The following LEF1 variants were observed in gnomAD, a reference collection of about 807,000 sequenced individuals.
LEF1 encodes the protein lymphoid enhancer-binding factor 1.
LEF1 carries 14 observed loss-of-function variants against 51.2 expected under a neutral mutation model. That is an observed-to-expected ratio of 0.27 (90% confidence interval 0.18 to 0.43). The LOEUF is 0.43. LEF1 is among the 20% of genes least tolerant of loss of function. The pLI, the probability that LEF1 is intolerant of heterozygous loss-of-function variation, is 1.00. For synonymous variants in LEF1, 185 were observed against 183.2 expected, an observed-to-expected ratio of 1.01 and a Z score of -0.08; for missense variants, 386 against 512.0, an observed-to-expected ratio of 0.75 and a Z score of 2.37.
chr4:108,109,626 C>T (rs1741394751), intron 3 of LEF1, among the ~76,000 whole-genome samples: 1 of 152,170 alleles, frequency 6.6e-6, no homozygotes, highest in African/African-American at 2.4e-5. Flanking sequence ...TAAAACAAAA[C>T]ATGTGAAGTG....
At chr4:108,135,794 G>A (rs1024594051) in intron 3 of LEF1, among the ~76,000 whole-genome samples, 1 of 152,150 alleles carries the variant, frequency 6.6e-6, no homozygotes, top group African/African-American at 2.4e-5. Context: ...TATCCACTGT[G>A]AGTCCTTCAA....
intron 3 of LEF1, among the ~76,000 whole-genome samples, chr4:108,107,266 GTTT>G (rs77205957): frequency 7.1e-6 from 1 of 141,526 alleles, no homozygotes; most frequent in Admixed American, 7.2e-5. Flanking sequence ...AGAGAAAGGT[GTTT>G]TTTTTTTTTT....
At chr4:108,114,009 C>A (rs1373802524) in intron 3 of LEF1, among the ~76,000 whole-genome samples, 1 of 151,648 alleles carries the variant, frequency 6.6e-6, no homozygotes. Flanking sequence ...TTTTTTAAGG[C>A]AAGTATGTTA....
intron 3 of LEF1, among the ~76,000 whole-genome samples, chr4:108,143,642 G>A (rs1298458431): frequency 6.6e-6 from 1 of 152,036 alleles, no homozygotes; most frequent in Non-Finnish European, 1.5e-5. Flanking sequence ...GTCAATATAC[G>A]GCGCCCCCTC....
At chr4:108,093,617 T>A (rs1175440725) in intron 3 of LEF1, among the ~76,000 whole-genome samples, 1 of 151,984 alleles carries the variant, frequency 6.6e-6, no homozygotes, top group African/African-American at 2.4e-5. Flanking sequence ...TGGTCAGAGG[T>A]TCAGTGACTT....
At chr4:108,121,570 AC>A (rs1202128735) in intron 3 of LEF1, among the ~76,000 whole-genome samples, 1 of 152,196 alleles carries the variant, frequency 6.6e-6, no homozygotes, top group Non-Finnish European at 1.5e-5. Context: ...TCATGTTCTT[AC>A]TTGCTAGACC....
chr4:108,098,036 G>C (rs1173217379), intron 3 of LEF1, among the ~76,000 whole-genome samples: 1 of 152,118 alleles, frequency 6.6e-6, no homozygotes, highest in Non-Finnish European at 1.5e-5. Context: ...GTTGGTTCAG[G>C]GGGGACAAAT....
At chr4:108,096,354 A>C (rs1046927922) in intron 3 of LEF1, among the ~76,000 whole-genome samples, 1 of 152,140 alleles carries the variant, frequency 6.6e-6, no homozygotes, top group Non-Finnish European at 1.5e-5. Context: ...GGTATGGAAA[A>C]CTTTGCAGTG....
intron 3 of LEF1, among the ~76,000 whole-genome samples, chr4:108,101,345 T>G (rs1740812510): frequency 1.3e-5 from 2 of 152,150 alleles, no homozygotes; most frequent in Admixed American, 1.3e-4. Flanking sequence ...GCACAGAAGC[T>G]GACATTGGGC....
At chr4:108,071,080 A>C (rs893960484) in intron 8 of LEF1, among the ~76,000 whole-genome samples, 6 of 152,204 alleles carry the variant, frequency 3.9e-5, no homozygotes, top group African/African-American at 1.4e-4. Context: ...ATTAAAAAGA[A>C]CTTTCACTGG....
intron 8 of LEF1, among the ~76,000 whole-genome samples, chr4:108,076,257 T>G (rs1038559056): frequency 9.2e-5 from 14 of 152,362 alleles, no homozygotes; most frequent in African/African-American, 1.4e-4. Context: ...GGCTATTTAT[T>G]TGTCTAATGT....
intron 5 of LEF1, among the ~76,000 whole-genome samples, chr4:108,082,425 A>G (rs1173923180): frequency 1.3e-5 from 2 of 152,170 alleles, no homozygotes; most frequent in Non-Finnish European, 2.9e-5. Flanking sequence ...AGGGAGAGAG[A>G]GAGAGAAAAA....
chr4:108,104,530 T>A (rs924242740), intron 3 of LEF1: 1 of 151,354 alleles, frequency 6.6e-6, no homozygotes, highest in Non-Finnish European at 1.5e-5. Context: ...TCTCTGAACA[T>A]TGTAATTTCA....
At chr4:108,149,372 T>C (rs1560824489) in intron 3 of LEF1, among the ~76,000 whole-genome samples, 1 of 141,150 alleles carries the variant, frequency 7.1e-6, no homozygotes, top group Non-Finnish European at 1.5e-5. Context: ...GGCAGGAGAA[T>C]GGCGTGAACC....
At position 108,048,642 on chromosome 4, in the gene LEF1, C is replaced by T. The variant is rs760377897; in HGVS notation, c.*116G>A. 2 of 1,484,376 alleles carry T rather than the reference C, an allele frequency of 1.3e-6. No homozygotes were observed. Among genetic ancestry groups the T allele is most frequent in the Non-Finnish European group, 9.1e-7 (1 of 1,093,472 alleles). 92.0% of individuals were successfully genotyped at this position (1,484,376 alleles called of 1,614,324 possible). ...GATGTCAGTGTTCCTTTGGGGTCGA[C>T]TGGGCAGGCCGTGGAGACAGTCTGG... On this transcript the variant is annotated 3_prime_UTR_variant, in exon 12 of 12. Transcript: ENST00000265165.
intron 3 of LEF1, among the ~76,000 whole-genome samples, chr4:108,100,382 A>G (rs972925983): frequency 2.0e-5 from 3 of 152,196 alleles, no homozygotes; most frequent in Non-Finnish European, 4.4e-5. Context: ...TCTATAACCC[A>G]TGGAAAACTG....
intron 3 of LEF1, among the ~76,000 whole-genome samples, chr4:108,138,962 G>C (rs748735386): frequency 8.8e-4 from 134 of 152,336 alleles, no homozygotes; most frequent in Non-Finnish European, 1.7e-3. Flanking sequence ...ATGGATTACG[G>C]ATAGGAAATG....
chr4:108,069,606 T>C (rs1738317789), intron 9 of LEF1, among the ~76,000 whole-genome samples: 1 of 152,170 alleles, frequency 6.6e-6, no homozygotes, highest in South Asian at 2.1e-4. Context: ...AATACACTGT[T>C]TATAAGAAGT....
intron 11 of LEF1, among the ~76,000 whole-genome samples, chr4:108,060,499 T>C (rs938848986): frequency 1.3e-5 from 2 of 152,112 alleles, no homozygotes; most frequent in African/African-American, 4.8e-5. Context: ...AGAGCTAACC[T>C]GGGAGACTGG....
Sources: gnomAD v4.1 joint callset for allele counts (sites outside exome capture counted in the v4.1 genomes callset) on GRCh38, gnomAD v4.1.1 for gene constraint, MANE v1.5 for transcripts, NCBI Gene and HGNC (gene_info 2026-07-23, HGNC 2026-07-21) for gene names.